VPS18: variants seen among roughly 807,000 people sequenced by gnomAD.
The protein encoded by VPS18 is vacuolar protein sorting-associated protein 18 homolog.
In VPS18, 25 loss-of-function variants were observed where a neutral mutation model predicts 82.0. The observed-to-expected ratio is 0.30, with a 90% confidence interval of 0.22 to 0.43. VPS18 has a LOEUF of 0.43. Ranked by LOEUF, VPS18 falls within the 20% of genes least tolerant of loss-of-function variation. The pLI is 1.00. For synonymous variants in VPS18, 523 were observed against 543.0 expected (o/e 0.96, Z 0.51); for missense variants, 1,168 against 1,311.1 (o/e 0.89, Z 1.69).
rs1041271454 is a variant in VPS18 at position 40,902,024 on chromosome 15, G to A, written c.2197-592G>A. Among the ~76,000 whole-genome samples the A allele has an allele frequency of 7.2e-5, 11 of 152,260 alleles. No individual in the cohort carries two copies. Among genetic ancestry groups the A allele is most frequent in the African/African-American group, 2.6e-4 (11 of 41,562 alleles). ...ATGCAGTTCCTAGGCCTGAACTCAG[G>A]ACTTACTGAATCAGAATGTCTGGGG... is the stretch of plus-strand genomic sequence containing the variant. On this transcript the variant is annotated intron_variant, in intron 4 of 4. Coordinates refer to ENST00000220509, the MANE Select transcript of VPS18 (RefSeq NM_020857.3). This position sits in a 1 kb window ranked among gnomAD's most constrained non-coding sequence, Gnocchi z 4.2.
Position 40,902,258 on chromosome 15 carries a change from G to A in VPS18, c.2197-358G>A, listed in dbSNP as rs533099023. Among the ~76,000 whole-genome samples, 5 of 151,922 alleles carry A rather than the reference G, an allele frequency of 3.3e-5. No individual in the cohort carries two copies. The highest frequency in any genetic ancestry group is 2.1e-4 in the South Asian group (1 of 4,802). ...CTCCCGGGTAGCTGGGACTACAGGC[G>A]CCCGCCACCACACCCGGCTAATTTT... On this transcript the variant is annotated intron_variant, in intron 4 of 4. Coordinates refer to ENST00000220509, the MANE Select transcript of VPS18 (RefSeq NM_020857.3). This position sits in a 1 kb window ranked among gnomAD's most constrained non-coding sequence, Gnocchi z 4.2.
intron 2 of VPS18, chr15:40,898,562 C>CATTAAA: frequency 3.0e-6 from 1 of 334,114 alleles, no homozygotes. Context: ...ACCTCTGCCT[C>CATTAAA]CCGGGCTCAG....
At chr15:40,894,883 G>C in intron 1 of VPS18, 24 bp downstream of exon 1, 6 of 1,542,146 alleles carry the variant, frequency 3.9e-6, no homozygotes, top group Non-Finnish European at 5.2e-6. Context: ...GGGTGCCGCT[G>C]CCCCTTTCGG....
Position 40,903,151 on chromosome 15 carries a change from G to T in VPS18, c.2732G>T (p.Gly911Val). 3 of 1,606,708 alleles carry T rather than the reference G, an allele frequency of 1.9e-6. No homozygotes were observed. Among genetic ancestry groups the T allele is most frequent in the Non-Finnish European group, 2.6e-6 (3 of 1,176,430 alleles). The change falls in exon 5 of 5, where the codon GGC becomes GTC. Residue 911 changes from glycine to valine, a missense_variant. Physicochemically the swap from Gly to Val is moderately radical, Grantham distance 109 (BLOSUM62 -3). Around this residue, in one of 3 missense-constraint regions of VPS18, gnomAD observed 296 missense variants for 354.0 expected, o/e 0.84. Coordinates refer to ENST00000220509, the MANE Select transcript of VPS18 (RefSeq NM_020857.3). ...GGGGCTGCTCCACCCCCAGCCAAGG[G>T]CTCTGCCCGGGCCAAGGAGGCCGAG... Reference protein sequence around the residue: ...KLGAAPPPAKGSARAKEAEGG... With the variant: ...KLGAAPPPAKVSARAKEAEGG...
chr15:40,896,051 A>G lies in VPS18; in HGVS notation c.205A>G (p.Met69Val), dbSNP rs765790238. The change falls in exon 2 of 5, where the codon ATG becomes GTG. Residue 69 changes from methionine to valine, a missense_variant. This residue lies in a region of VPS18 where 868 missense variants were observed against 939.8 expected (regional missense o/e 0.92). Coordinates refer to ENST00000220509, the MANE Select transcript of VPS18 (RefSeq NM_020857.3). ...TGTCGTCTCCAGCAATCAGCTGTGC[A>G]TGAGCCTGGGCAAGGATACACTGCT... ...SLVVSSNQLC[M>V]SLGKDTLLRI... 65 of 1,614,132 alleles carry G rather than the reference A, an allele frequency of 4.0e-5. No homozygotes were observed. The highest frequency in any genetic ancestry group is 1.6e-4 in the Middle Eastern group (1 of 6,084).
At position 40,902,076 on chromosome 15, in the gene VPS18, A is replaced by G. The variant is rs985929986; in HGVS notation, c.2197-540A>G. 2.0e-5 allele frequency among the ~76,000 whole-genome samples: 3 copies of G among 151,554 alleles called. No homozygotes were observed. The highest frequency in any genetic ancestry group is 7.3e-5 in the African/African-American group (3 of 41,192). On this transcript the variant is annotated intron_variant, in intron 4 of 4. Transcript: ENST00000220509. This position sits in a 1 kb window ranked among gnomAD's most constrained non-coding sequence, Gnocchi z 4.2. ...CAGGGCTCAAAAATTTGTATTTTGA[A>G]TATGTTTCCCAGGTGATTTCTTTCT...
intron 4 of VPS18, among the ~76,000 whole-genome samples, chr15:40,901,253 G>A (rs1250757906): frequency 3.9e-5 from 6 of 152,200 alleles, no homozygotes; most frequent in Non-Finnish European, 7.3e-5. Flanking sequence ...ACAAAAGGGG[G>A]TCAGTGTTAT....
Position 40,899,075 on chromosome 15 carries a change from G to C in VPS18, c.326-69G>C. ...GGTGGGTGGGCTCTGAGGGTGGTGT[G>C]GGGGCCAGGAGGAGGCTGAGGATGG... On this transcript the variant is annotated intron_variant, in intron 3 of 4. Coordinates refer to ENST00000220509, the MANE Select transcript of VPS18 (RefSeq NM_020857.3). This position sits in a 1 kb window ranked among gnomAD's most constrained non-coding sequence, Gnocchi z 4.4. 2 of 1,605,802 alleles carry C rather than the reference G, an allele frequency of 1.2e-6. No homozygotes were observed. Among genetic ancestry groups the C allele is most frequent in the Non-Finnish European group, 1.7e-6 (2 of 1,174,160 alleles).
chr15:40,899,066 G>C lies in VPS18; in HGVS notation c.325+68G>C, dbSNP rs1238877722. 5 of 1,606,448 alleles carry C rather than the reference G, an allele frequency of 3.1e-6. No individual in the cohort carries two copies. Among genetic ancestry groups the C allele is most frequent in the Non-Finnish European group, 4.3e-6 (5 of 1,174,670 alleles). On this transcript the variant is annotated intron_variant, in intron 3 of 4. Coordinates refer to ENST00000220509, the MANE Select transcript of VPS18 (RefSeq NM_020857.3). The surrounding 1 kb of genome is among the most constrained non-coding windows in gnomAD (Gnocchi z 4.4). ...CACTGCCTGGGTGGGTGGGCTCTGA[G>C]GGTGGTGTGGGGGCCAGGAGGAGGC...
At position 40,901,645 on chromosome 15, in the gene VPS18, C is replaced by T. The variant is rs997283062; in HGVS notation, c.2196+631C>T. Among the ~76,000 whole-genome samples the T allele has an allele frequency of 2.7e-5, 4 of 150,304 alleles. No individual in the cohort carries two copies. The East Asian group carries it at 6.0e-4, about 22-fold the overall frequency. On this transcript the variant is annotated intron_variant, in intron 4 of 4. Transcript: ENST00000220509. The stretch of plus-strand genomic sequence containing the variant: ...TCGGGGCCGGGCGCGGTGGCTCATG[C>T]CTATAATCCCAGCACTTTGGGAGGC...
At position 40,903,289 on chromosome 15, in the gene VPS18, G is replaced by A. The variant is rs199642045; in HGVS notation, c.2870G>A (p.Arg957Gln). ...GAGCTGATGATCCGCTCTATCGACCGGCCGTTCATCGACCCCCAGCGCTAC... is the reference window on the plus strand; with the variant it reads ...GAGCTGATGATCCGCTCTATCGACCAGCCGTTCATCGACCCCCAGCGCTAC... ...CGELMIRSID[R>Q]PFIDPQRYEE... is the part of the protein sequence containing the mutation. The change falls in exon 5 of 5, where the codon CGG becomes CAG. Residue 957 changes from arginine (R) to glutamine (Q), a missense_variant. By Grantham distance (43) the Arg-to-Gln change is conservative. Transcript: ENST00000220509. 6.6e-5 allele frequency: 103 copies of A among 1,567,608 alleles called. No individual in the cohort carries two copies. The highest frequency in any genetic ancestry group is 8.2e-5 in the Non-Finnish European group (95 of 1,157,658).
rs1424072957 is a variant in VPS18, at chr15:40,900,459, C to T, written c.1641C>T (p.Leu547=). The T allele has an allele frequency of 9.9e-6, 16 of 1,613,912 alleles. No homozygotes were observed. Among genetic ancestry groups the T allele is most frequent in the Admixed American group, 1.7e-5 (1 of 59,996 alleles). ...GCCGGGCCTCTATCCATGAGCTGCTCGCCAGTCATGGGGACACAGAACACA... is the reference window on the plus strand; with the variant it reads ...GCCGGGCCTCTATCCATGAGCTGCTTGCCAGTCATGGGGACACAGAACACA... The part of the protein sequence containing the change: ...FASRASIHEL[L]ASHGDTEHMV... The change falls in exon 4 of 5, where the codon CTC becomes CTT. Residue 547 remains leucine, a synonymous_variant. Coordinates refer to ENST00000220509, the MANE Select transcript of VPS18 (RefSeq NM_020857.3). This position sits in a 1 kb window ranked among gnomAD's most constrained non-coding sequence, Gnocchi z 5.4.
rs543768313 is a variant in VPS18 at position 40,902,079 on chromosome 15, T to A, written c.2197-537T>A. Reference sequence around the variant, plus strand: ...GGCTCAAAAATTTGTATTTTGAATATGTTTCCCAGGTGATTTCTTTCTTTC... The same window carrying A: ...GGCTCAAAAATTTGTATTTTGAATAAGTTTCCCAGGTGATTTCTTTCTTTC... On this transcript the variant is annotated intron_variant, in intron 4 of 4. Coordinates refer to ENST00000220509, the MANE Select transcript of VPS18 (RefSeq NM_020857.3). This position sits in a 1 kb window ranked among gnomAD's most constrained non-coding sequence, Gnocchi z 4.2. Among the ~76,000 whole-genome samples, 3 of 151,916 alleles carry A rather than the reference T, an allele frequency of 2.0e-5. No individual in the cohort carries two copies. The highest frequency in any genetic ancestry group is 2.0e-4 in the Admixed American group (3 of 15,252).
In VPS18 at chr15:40,894,610, G is replaced by T; in HGVS notation, c.-159G>T. 1.6e-6 allele frequency: 1 copy of T among 618,702 alleles called. No homozygotes were observed. The highest frequency in any genetic ancestry group is 2.7e-6 in the Non-Finnish European group (1 of 368,732). The allele number at this position is 618,702 out of a possible 1,614,324, so 38.3% of individuals were successfully genotyped here. A position where few individuals can be genotyped will look rare whatever the true frequency, so the allele number is the denominator to read the frequency against. Reference sequence around the variant, plus strand: ...TCGCTGCATAAGGCAAGAGCAAGAGGATCCTCAGGATTTTAAAGAGGAGGC... The same window carrying T: ...TCGCTGCATAAGGCAAGAGCAAGAGTATCCTCAGGATTTTAAAGAGGAGGC... On this transcript the variant is annotated 5_prime_UTR_variant, in exon 1 of 5. Transcript: ENST00000220509.
Position 40,902,964 on chromosome 15 carries a change from C to T in VPS18, c.2545C>T (p.Pro849Ser), listed in dbSNP as rs1295665187. ...ELRGRYGTVE[P>S]QDKCATCDFP... The stretch of plus-strand genomic sequence containing the variant: ...GCGGGGCCGCTACGGCACTGTGGAG[C>T]CCCAGGACAAATGTGCCACCTGCGA... Residue 849 changes from proline to serine, a missense_variant, in exon 5 of 5, where the codon CCC (proline) becomes TCC (serine). Physicochemically the swap from Pro to Ser is moderately conservative, Grantham distance 74. Transcript: ENST00000220509. The surrounding 1 kb of genome is among the most constrained non-coding windows in gnomAD (Gnocchi z 4.2). 1.2e-6 allele frequency: 2 copies of T among 1,614,154 alleles called. No individual in the cohort carries two copies. The highest frequency in any genetic ancestry group is 1.7e-6 in the Non-Finnish European group (2 of 1,180,058).
At chr15:40,897,505 A>C (rs914563700) in intron 2 of VPS18, among the ~76,000 whole-genome samples, 4 of 152,226 alleles carry the variant, frequency 2.6e-5, no homozygotes, top group Non-Finnish European at 4.4e-5. Flanking sequence ...GAGTATGAAA[A>C]AAGATGTTAA....
At chr15:40,897,764 G>T (rs1029353742) in intron 2 of VPS18, among the ~76,000 whole-genome samples, 1 of 152,052 alleles carries the variant, frequency 6.6e-6, no homozygotes, top group Non-Finnish European at 1.5e-5. Flanking sequence ...ACTCTTTGTT[G>T]TTCCCTTCTT....
At chr15:40,901,653 C>A (rs1892360976) in intron 4 of VPS18, among the ~76,000 whole-genome samples, 1 of 149,510 alleles carries the variant, frequency 6.7e-6, no homozygotes, top group South Asian at 2.1e-4. Context: ...TGCCTATAAT[C>A]CCAGCACTTT....
chr15:40,898,804 T>C, intron 2 of VPS18, 103 bp from the exon 3 acceptor site: 1 of 1,223,122 alleles, frequency 8.2e-7, no homozygotes, highest in Non-Finnish European at 1.2e-6. Flanking sequence ...GATGTATATT[T>C]CAGGGAAGTA....
Sources: allele counts gnomAD v4.1 joint callset (sites outside exome capture counted in the v4.1 genomes callset), GRCh38; gene constraint gnomAD v4.1.1; regional missense constraint gnomAD v4.1.1; non-coding constraint Gnocchi (gnomAD v3.1); transcripts MANE v1.5; gene names NCBI Gene and HGNC (gene_info 2026-07-23, HGNC 2026-07-21).